Variants in BFSP1 observed in about 807,000 individuals in gnomAD.
BFSP1 encodes beaded filament structural protein 1, also known as filensin.
Under a neutral mutation model 43.9 loss-of-function variants are expected in BFSP1, and 38 were observed. The ratio of observed to expected loss-of-function variants is 0.87; its 90% CI spans 0.67 to 1.14. The LOEUF is 1.14. Ranked by LOEUF, BFSP1 falls within the 50% of genes most tolerant of loss-of-function variation. BFSP1 has a pLI of 0.00. For synonymous variants in BFSP1, 352 were observed against 354.8 expected (o/e 0.99, Z 0.09); for missense variants, 850 against 875.1 (o/e 0.97, Z 0.36).
rs78794477 is a variant in BFSP1, at chr20:17,541,917, T to C, written c.2+16771A>G. On this transcript the variant is annotated intron_variant, in intron 1 of 7. Transcript: ENST00000377868. ...GCAAGAACAACAATTAAATAGGATA[T>C]TTTGGACCAAATTCTCTCAGAGTAC... is the stretch of plus-strand genomic sequence containing the variant. Among the ~76,000 whole-genome samples the C allele has an allele frequency of 4.5e-3, 684 of 152,318 alleles. 12 individuals are homozygous for C. The highest frequency in any genetic ancestry group is 0.019 in the East Asian group (97 of 5,188).
intron 1 of BFSP1, among the ~76,000 whole-genome samples, chr20:17,564,805 T>G (rs2035101247): frequency 6.6e-6 from 1 of 152,180 alleles, no homozygotes; most frequent in East Asian, 1.9e-4. Flanking sequence ...GTCAGGCTGG[T>G]CCTGAACTCC....
chr20:17,566,872 T>C (rs549177179), intron 1 of BFSP1, among the ~76,000 whole-genome samples: 12 of 152,276 alleles, frequency 7.9e-5, no homozygotes, highest in African/African-American at 2.9e-4. Context: ...CAGCCTGGTC[T>C]TGAACTCCTG....
intron 5 of BFSP1, among the ~76,000 whole-genome samples, chr20:17,508,191 C>T (rs1005081673): frequency 2.6e-5 from 4 of 152,104 alleles, no homozygotes; most frequent in East Asian, 1.9e-4. Flanking sequence ...TTAACCCAAG[C>T]GTCCCTGTGG....
At chr20:17,517,690 C>G (rs2059903679) in intron 2 of BFSP1, among the ~76,000 whole-genome samples, 1 of 152,164 alleles carries the variant, frequency 6.6e-6, no homozygotes, top group Admixed American at 6.5e-5. Flanking sequence ...AAAATATTAT[C>G]ATGTCATCAT....
At chr20:17,509,569 A>G (rs2034026226) in intron 4 of BFSP1, among the ~76,000 whole-genome samples, 1 of 149,856 alleles carries the variant, frequency 6.7e-6, no homozygotes, top group Non-Finnish European at 1.5e-5. Flanking sequence ...TGGCTGTGCC[A>G]TGAACCTACT....
At chr20:17,501,416 T>C (rs1373539086) in intron 5 of BFSP1, among the ~76,000 whole-genome samples, 1 of 152,028 alleles carries the variant, frequency 6.6e-6, no homozygotes, top group African/African-American at 2.4e-5. Context: ...AATACAAAAA[T>C]TAGCTGGGCG....
rs184918497 is a variant in BFSP1, at chr20:17,552,410, G to A, written c.2+6278C>T. Among the ~76,000 whole-genome samples, 128 of 152,296 alleles carry A rather than the reference G, an allele frequency of 8.4e-4. 1 individual carries two copies. The highest frequency in any genetic ancestry group is 3.0e-3 in the African/African-American group (126 of 41,558). On this transcript the variant is annotated intron_variant, in intron 1 of 7. Transcript: ENST00000377868. ...GATGAGGTCAGGAAGGGCAACGAGA[G>A]GACAGATCCCACGGGATTTCTACAA... is the stretch of plus-strand genomic sequence containing the variant.
chr20:17,525,004 C>T lies in BFSP1; in HGVS notation c.378-96G>A. The T allele has an allele frequency of 9.2e-7, 1 of 1,084,694 alleles. No individual in the cohort carries two copies. The highest frequency in any genetic ancestry group is 1.4e-6 in the Non-Finnish European group (1 of 699,170). 67.2% of individuals were successfully genotyped at this position (1,084,694 alleles called of 1,614,324 possible). On this transcript the variant is annotated intron_variant, in intron 1 of 7. Transcript: ENST00000377873. This position sits in a 1 kb window ranked among gnomAD's most constrained non-coding sequence, Gnocchi z 4.2. ...CATTAAATTCAACCTGGGTACGATG[C>T]CCTCTCCTTTAAGGAGAGGGTCTTA...
upstream of BFSP1, among the ~76,000 whole-genome samples, chr20:17,562,681 T>C (rs1368701068): frequency 1.3e-5 from 2 of 152,112 alleles, no homozygotes; most frequent in African/African-American, 4.8e-5. Context: ...AAAACATACA[T>C]AATTGGTCAA....
chr20:17,544,443 C>G (rs1410187833), intron 1 of BFSP1, among the ~76,000 whole-genome samples: 1 of 152,172 alleles, frequency 6.6e-6, no homozygotes, highest in Non-Finnish European at 1.5e-5. Context: ...ACAGCCACTG[C>G]TACAGCCCCA....
At chr20:17,519,392 C>T (rs983247997) in intron 2 of BFSP1, among the ~76,000 whole-genome samples, 1 of 152,192 alleles carries the variant, frequency 6.6e-6, no homozygotes, top group African/African-American at 2.4e-5. Flanking sequence ...CCTCAGAGAC[C>T]CTTCAAGCAA....
At chr20:17,520,524 A>C (rs890884135) in intron 2 of BFSP1, among the ~76,000 whole-genome samples, 1 of 152,338 alleles carries the variant, frequency 6.6e-6, no homozygotes, top group African/African-American at 2.4e-5. Context: ...CTTTTCCTTC[A>C]ACTCTGGATG....
intron 2 of BFSP1, among the ~76,000 whole-genome samples, chr20:17,522,244 G>A (rs142054811): frequency 1.3e-5 from 2 of 152,282 alleles, no homozygotes; most frequent in Non-Finnish European, 2.9e-5. Flanking sequence ...CACTTACCAC[G>A]GCTGAGCTGC....
chr20:17,561,528 C>G (rs2035067105), upstream of BFSP1, among the ~76,000 whole-genome samples: 1 of 151,974 alleles, frequency 6.6e-6, no homozygotes, highest in African/African-American at 2.4e-5. Context: ...ATGTATCATG[C>G]TTATGAAAAA....
At chr20:17,499,970 A>G (rs922448217) in intron 5 of BFSP1, among the ~76,000 whole-genome samples, 1 of 152,248 alleles carries the variant, frequency 6.6e-6, no homozygotes, top group Non-Finnish European at 1.5e-5. Flanking sequence ...TGTATAATTC[A>G]AATAAAGTAC....
chr20:17,502,884 A>C (rs2033837222), intron 5 of BFSP1, among the ~76,000 whole-genome samples: 1 of 152,144 alleles, frequency 6.6e-6, no homozygotes, highest in African/African-American at 2.4e-5. Flanking sequence ...GAATATGGGG[A>C]TTGAAAAGAC....
intron 2 of BFSP1, among the ~76,000 whole-genome samples, chr20:17,518,939 C>G (rs1423063414): frequency 6.6e-6 from 1 of 152,216 alleles, no homozygotes; most frequent in Admixed American, 6.5e-5. Flanking sequence ...GGACGCATCC[C>G]ACTCCCTTCA....
intron 1 of BFSP1, among the ~76,000 whole-genome samples, chr20:17,539,204 G>A (rs1405578356): frequency 7.2e-6 from 1 of 139,442 alleles, no homozygotes; most frequent in East Asian, 2.2e-4. Context: ...TCAACCTCCT[G>A]GGCTCAAGCG....
chr20:17,505,956 A>G (rs1009497730), intron 5 of BFSP1, among the ~76,000 whole-genome samples: 1 of 152,238 alleles, frequency 6.6e-6, no homozygotes, highest in Non-Finnish European at 1.5e-5. Flanking sequence ...GCAAAAAGGG[A>G]CTTTGCAGAT....
Sources: gnomAD v4.1 joint callset for allele counts (sites outside exome capture counted in the v4.1 genomes callset) on GRCh38, gnomAD v4.1.1 for gene constraint, Gnocchi (gnomAD v3.1) non-coding constraint, MANE v1.5 for transcripts, NCBI Gene and HGNC (gene_info 2026-07-23, HGNC 2026-07-21) for gene names.